The following PDZRN4 variants were observed in gnomAD, a reference collection of about 807,000 sequenced individuals.
PDZRN4 encodes the protein PDZ domain-containing RING finger protein 4.
Under a neutral mutation model 99.0 loss-of-function variants are expected in PDZRN4, and 70 were observed. The ratio of observed to expected loss-of-function variants is 0.71; its 90% confidence interval spans 0.58 to 0.86. PDZRN4 has a LOEUF of 0.86. PDZRN4 is among the 40% of genes least tolerant of loss of function. PDZRN4 has a pLI of 0.00. For missense variants in PDZRN4, 1,474 were observed against 1,331.2 expected (o/e 1.11, Z -1.67); for synonymous variants, 551 against 501.6 (o/e 1.10, Z -1.32).
intron 5 of PDZRN4, among the ~76,000 whole-genome samples, chr12:41,516,689 G>C (rs767984094): frequency 6.6e-6 from 1 of 151,936 alleles, no homozygotes; most frequent in Admixed American, 6.6e-5. Flanking sequence ...AAAGAATGAC[G>C]GGGGTTCTGG....
chr12:41,526,377 G>T (rs1403341464), intron 5 of PDZRN4, among the ~76,000 whole-genome samples: 1 of 152,194 alleles, frequency 6.6e-6, no homozygotes, highest in Non-Finnish European at 1.5e-5. Context: ...AAGTGCTGGA[G>T]AATAAACCTC....
chr12:41,223,805 C>T (rs1950974511), intron 3 of PDZRN4, among the ~76,000 whole-genome samples: 1 of 152,114 alleles, frequency 6.6e-6, no homozygotes, highest in African/African-American at 2.4e-5. Flanking sequence ...GCAGCACAGG[C>T]AGGGGGAGTT....
chr12:41,477,922 TA>T, intron 3 of PDZRN4: 1 of 1,516,568 alleles, frequency 6.6e-7, no homozygotes, highest in Non-Finnish European at 8.9e-7. Context: ...CCATCCACTG[TA>T]AGTATGGCAT....
intron 3 of PDZRN4, among the ~76,000 whole-genome samples, chr12:41,469,747 C>T (rs1441805112): frequency 6.6e-5 from 10 of 151,838 alleles, no homozygotes; most frequent in African/African-American, 1.7e-4. Flanking sequence ...CTGGCTAACA[C>T]GGTGAAACCC....
chr12:41,397,322 C>T (rs1268391493), intron 3 of PDZRN4, among the ~76,000 whole-genome samples: 1 of 152,102 alleles, frequency 6.6e-6, no homozygotes, highest in African/African-American at 2.4e-5. Flanking sequence ...TAGTAGATTT[C>T]TGTCTTATTT....
chr12:41,291,299 G>A (rs1951455368), intron 3 of PDZRN4, among the ~76,000 whole-genome samples: 1 of 152,134 alleles, frequency 6.6e-6, no homozygotes, highest in Admixed American at 6.6e-5. Context: ...GATTTAAATG[G>A]AAGGGCCAAG....
Position 41,535,503 on chromosome 12 carries a change from C to CT in PDZRN4, c.1204-17147dup, listed in dbSNP as rs760140682. 8.9e-4 allele frequency among the ~76,000 whole-genome samples: 135 copies of CT among 152,282 alleles called. 1 individual carries two copies. The highest frequency in any genetic ancestry group is 1.6e-3 in the Non-Finnish European group (110 of 68,024). ...ATTATTGGTACATTCTCAAGTGAGA[C>CT]TTTTTTCCTTTTCACTCAGGCCAAA... On this transcript the variant is annotated intron_variant, in intron 5 of 9. Coordinates refer to ENST00000402685, the MANE Select transcript of PDZRN4 (RefSeq NM_001164595.2).
intron 3 of PDZRN4, among the ~76,000 whole-genome samples, chr12:41,403,086 A>C (rs977699677): frequency 1.3e-4 from 20 of 152,208 alleles, no homozygotes; most frequent in African/African-American, 4.6e-4. Context: ...GAATTAATGG[A>C]GTGTCTTCCT....
intron 3 of PDZRN4, among the ~76,000 whole-genome samples, chr12:41,296,827 C>T (rs1476370410): frequency 1.3e-5 from 2 of 151,850 alleles, no homozygotes; most frequent in African/African-American, 4.8e-5. Flanking sequence ...AGTCATGTGG[C>T]GTGTGCCTGT....
chr12:41,203,953 G>A (rs375123633), intron 3 of PDZRN4, among the ~76,000 whole-genome samples: 55 of 151,916 alleles, frequency 3.6e-4, no homozygotes, highest in African/African-American at 1.3e-3. Context: ...ATTTCACTGG[G>A]GTATATACCT....
At chr12:41,198,951 T>C (rs1346237481) in intron 3 of PDZRN4, among the ~76,000 whole-genome samples, 1 of 152,172 alleles carries the variant, frequency 6.6e-6, no homozygotes, top group Non-Finnish European at 1.5e-5. Flanking sequence ...GGTCACTATC[T>C]GTACTGCTAA....
intron 3 of PDZRN4, among the ~76,000 whole-genome samples, chr12:41,382,413 T>C (rs187010262): frequency 2.2e-4 from 34 of 152,292 alleles, no homozygotes; most frequent in Admixed American, 1.5e-3. Flanking sequence ...ACTTAGGAAA[T>C]TGAAGTTCAT....
At chr12:41,485,567 C>T (rs1490214658) in intron 3 of PDZRN4, among the ~76,000 whole-genome samples, 2 of 152,110 alleles carry the variant, frequency 1.3e-5, no homozygotes, top group East Asian at 3.9e-4. Context: ...CCCTCTCTCT[C>T]TTCCGAGTCC....
At chr12:41,525,841 A>G (rs1938558963) in intron 5 of PDZRN4, among the ~76,000 whole-genome samples, 1 of 151,978 alleles carries the variant, frequency 6.6e-6, no homozygotes, top group Non-Finnish European at 1.5e-5. Context: ...AGTGTCCTTC[A>G]TCAAAAAAAA....
intron 3 of PDZRN4, among the ~76,000 whole-genome samples, chr12:41,306,981 C>T (rs1951575367): frequency 6.6e-6 from 1 of 152,054 alleles, no homozygotes; most frequent in Non-Finnish European, 1.5e-5. Context: ...GCTTTCTCTC[C>T]AGCTCTCTCT....
chr12:41,467,425 T>C (rs989728472), intron 3 of PDZRN4, among the ~76,000 whole-genome samples: 1 of 152,146 alleles, frequency 6.6e-6, no homozygotes, highest in African/African-American at 2.4e-5. Context: ...AATTGAACTG[T>C]TTGTCTCAGT....
intron 3 of PDZRN4, among the ~76,000 whole-genome samples, chr12:41,331,916 C>T (rs775174734): frequency 9.2e-5 from 14 of 152,066 alleles, no homozygotes; most frequent in Non-Finnish European, 1.8e-4. Flanking sequence ...AGGACACAGC[C>T]GAATCTATCT....
intron 3 of PDZRN4, among the ~76,000 whole-genome samples, chr12:41,373,950 C>T (rs12427079): frequency 4.1e-4 from 62 of 152,180 alleles, no homozygotes; most frequent in Non-Finnish European, 6.5e-4. Flanking sequence ...CTGGTCCCTC[C>T]GTTCGGGGTC....
chr12:41,381,043 C>T (rs1191544985), intron 3 of PDZRN4, among the ~76,000 whole-genome samples: 1 of 152,048 alleles, frequency 6.6e-6, no homozygotes, highest in Non-Finnish European at 1.5e-5. Flanking sequence ...TTAAACATAT[C>T]ACCCCACTGT....
Sources: allele counts gnomAD v4.1 joint callset (sites outside exome capture counted in the v4.1 genomes callset), GRCh38; gene constraint gnomAD v4.1.1; transcripts MANE v1.5; gene names NCBI Gene and HGNC (gene_info 2026-07-23, HGNC 2026-07-21).